PIGK: variants seen among roughly 807,000 people sequenced by gnomAD.
PIGK encodes GPI-anchor transamidase.
A neutral mutation model predicts 50.6 loss-of-function variants in PIGK; 42 were observed. The ratio of observed to expected loss-of-function variants is 0.83; its 90% confidence interval spans 0.65 to 1.07. The LOEUF is 1.07. PIGK is among the 50% of genes least tolerant of loss of function. The pLI is 0.00. For synonymous variants in PIGK, 151 were observed against 156.0 expected, an observed-to-expected ratio of 0.97 and a Z score of 0.24; for missense variants, 448 against 488.7, an observed-to-expected ratio of 0.92 and a Z score of 0.78.
chr1:77,127,761 G>A (rs1174734852), intron 9 of PIGK, among the ~76,000 whole-genome samples: 1 of 152,098 alleles, frequency 6.6e-6, no homozygotes, highest in Non-Finnish European at 1.5e-5. Context: ...TAGGAAGGTA[G>A]CCCAATAGTT....
chr1:77,141,898 T>C (rs1208999434), intron 9 of PIGK, among the ~76,000 whole-genome samples: 1 of 152,118 alleles, frequency 6.6e-6, no homozygotes, highest in South Asian at 2.1e-4. Flanking sequence ...TTAACAGCTG[T>C]GACCCAAAAT....
At chr1:77,116,573 TGTGTGTGTGTGTGTGTGTGTGTGCGC>T (rs935204476) in intron 10 of PIGK, among the ~76,000 whole-genome samples, 4 of 118,984 alleles carry the variant, frequency 3.4e-5, no homozygotes, top group African/African-American at 1.7e-4. Flanking sequence ...TGTGTGTGTG[TGTGTGTGTGTGTGTGTGTGTGTGCGC>T]GTGTGTGTGT....
chr1:77,145,881 G>C (rs1654756254), intron 9 of PIGK, among the ~76,000 whole-genome samples: 1 of 152,014 alleles, frequency 6.6e-6, no homozygotes, highest in South Asian at 2.1e-4. Context: ...TCCAGAAATA[G>C]ACCCCCAAAA....
At chr1:77,108,401 A>G (rs186812920) in intron 10 of PIGK, among the ~76,000 whole-genome samples, 1 of 152,114 alleles carries the variant, frequency 6.6e-6, no homozygotes, top group Non-Finnish European at 1.5e-5. Flanking sequence ...TTTCTTTAAG[A>G]ATGTTGAATA....
At chr1:77,144,268 A>G (rs1295062798) in intron 9 of PIGK, among the ~76,000 whole-genome samples, 2 of 151,992 alleles carry the variant, frequency 1.3e-5, no homozygotes, top group Non-Finnish European at 2.9e-5. Flanking sequence ...AGATCAGAAG[A>G]GTCACATAAA....
intron 4 of PIGK, among the ~76,000 whole-genome samples, chr1:77,167,767 T>G (rs927646752): frequency 6.6e-6 from 1 of 152,142 alleles, no homozygotes; most frequent in Admixed American, 6.6e-5. Context: ...AAATAAAAAT[T>G]ATTAATCCCT....
chr1:77,109,484 T>TA (rs1258454161), intron 10 of PIGK, among the ~76,000 whole-genome samples: 9 of 152,162 alleles, frequency 5.9e-5, no homozygotes, highest in Non-Finnish European at 1.2e-4. Context: ...TAATCCAGCA[T>TA]ATAAACAGAA....
intron 3 of PIGK, among the ~76,000 whole-genome samples, chr1:77,178,962 G>A (rs1334316493): frequency 1.3e-5 from 2 of 152,204 alleles, no homozygotes; most frequent in African/African-American, 4.8e-5. Flanking sequence ...TGACTAAAAA[G>A]GGGAAATTTT....
intron 9 of PIGK, among the ~76,000 whole-genome samples, chr1:77,149,007 G>A (rs1001268737): frequency 6.6e-5 from 10 of 152,014 alleles, no homozygotes; most frequent in Admixed American, 1.3e-4. Flanking sequence ...GAGCCACCAC[G>A]CCCAGCCATA....
intron 10 of PIGK, 85 bp downstream of exon 10, chr1:77,122,190 T>C (rs940747423): frequency 2.3e-6 from 2 of 860,374 alleles, no homozygotes; most frequent in Non-Finnish European, 3.9e-6. Context: ...TATAGCACAT[T>C]GATTCTGAAA....
intron 3 of PIGK, among the ~76,000 whole-genome samples, chr1:77,202,136 G>A (rs1317857544): frequency 2.0e-5 from 3 of 151,978 alleles, no homozygotes; most frequent in African/African-American, 7.3e-5. Flanking sequence ...AAGATTAAGA[G>A]AATATAAGTA....
chr1:77,177,957 T>C (rs780549984), intron 3 of PIGK, among the ~76,000 whole-genome samples: 5 of 152,174 alleles, frequency 3.3e-5, no homozygotes, highest in Non-Finnish European at 7.4e-5. Flanking sequence ...TGGCATCTTT[T>C]CCCAAGATGA....
chr1:77,145,101 C>T (rs1335582338), intron 9 of PIGK, among the ~76,000 whole-genome samples: 1 of 151,824 alleles, frequency 6.6e-6, no homozygotes, highest in African/African-American at 2.4e-5. Flanking sequence ...CAATTTTAAG[C>T]GAATCATGTG....
chr1:77,145,285 T>A (rs761430336), intron 9 of PIGK, among the ~76,000 whole-genome samples: 2 of 151,936 alleles, frequency 1.3e-5, no homozygotes, highest in Non-Finnish European at 2.9e-5. Context: ...CATTTCCATA[T>A]AAATTTTGGA....
chr1:77,173,193 C>T (rs1476825215), intron 3 of PIGK, among the ~76,000 whole-genome samples: 1 of 152,138 alleles, frequency 6.6e-6, no homozygotes, highest in African/African-American at 2.4e-5. Context: ...AGATAACTTA[C>T]AATAGAACAT....
intron 3 of PIGK, 35 bp downstream of exon 3, chr1:77,206,605 G>T (rs757466348): frequency 5.5e-6 from 6 of 1,087,070 alleles, no homozygotes; most frequent in Non-Finnish European, 8.4e-6. Flanking sequence ...TATTTTCACT[G>T]AAGTTCAAGG....
At chr1:77,210,399 A>G in intron 2 of PIGK, 37 bp downstream of exon 2, 3 of 1,313,542 alleles carry the variant, frequency 2.3e-6, no homozygotes, top group Non-Finnish European at 3.2e-6. Flanking sequence ...TACATATCTA[A>G]TGTGAACAGC....
chr1:77,176,073 T>C (rs542861538), intron 3 of PIGK, among the ~76,000 whole-genome samples: 1 of 152,080 alleles, frequency 6.6e-6, no homozygotes, highest in Non-Finnish European at 1.5e-5. Context: ...AGACAGATGG[T>C]TTGGAAAGCT....
intron 10 of PIGK, among the ~76,000 whole-genome samples, chr1:77,106,804 T>A (rs1293712417): frequency 2.0e-5 from 3 of 152,152 alleles, no homozygotes; most frequent in Non-Finnish European, 4.4e-5. Flanking sequence ...ATATAATTTA[T>A]ACATCTCTCT....
Sources: gnomAD v4.1 joint callset for allele counts (sites outside exome capture counted in the v4.1 genomes callset) on GRCh38, gnomAD v4.1.1 for gene constraint, MANE v1.5 for transcripts, NCBI Gene and HGNC (gene_info 2026-07-23, HGNC 2026-07-21) for gene names.